Variants in CACNG3 observed in about 807,000 individuals in gnomAD.
The protein encoded by CACNG3 is calcium voltage-gated channel auxiliary subunit gamma 3.
In CACNG3, 3 loss-of-function variants were observed where a neutral mutation model predicts 28.5. The ratio of observed to expected loss-of-function variants is 0.11; its 90% confidence interval spans 0.05 to 0.27. The LOEUF is 0.27. Ranked by LOEUF, CACNG3 falls within the 10% of genes least tolerant of loss-of-function variation. The probability of loss-of-function intolerance (pLI) is 1.00; values close to 1 mark genes in which losing one functional copy is unlikely to be tolerated. For synonymous variants in CACNG3, 174 were observed against 162.2 expected (o/e 1.07, Z -0.55); for missense variants, 236 against 414.4 (o/e 0.57, Z 3.74).
intron 1 of CACNG3, among the ~76,000 whole-genome samples, chr16:24,308,104 G>A (rs79482075): frequency 0.01 from 1,554 of 152,220 alleles, 28 homozygotes; most frequent in African/African-American, 0.034. Context: ...ACACTTAATT[G>A]CATCCAAAAC....
rs1195651017 is a variant in CACNG3 at position 24,300,823 on chromosome 16, G to A, written c.211+43858G>A. 2.0e-5 allele frequency among the ~76,000 whole-genome samples: 3 copies of A among 152,040 alleles called. No homozygotes were observed. In the East Asian group the frequency reaches 5.8e-4, roughly 29 times the overall value. The stretch of plus-strand genomic sequence containing the variant: ...AATCCCAGCACTTTTGGAAGCTAAG[G>A]GGGGCAGATCACAAGGTCAGGAGTT... On this transcript the variant is annotated intron_variant, in intron 1 of 3. Transcript: ENST00000005284.
At chr16:24,267,052 T>C (rs1898620302) in intron 1 of CACNG3, among the ~76,000 whole-genome samples, 1 of 150,948 alleles carries the variant, frequency 6.6e-6, no homozygotes, top group South Asian at 2.1e-4. Flanking sequence ...GTACAACCTC[T>C]GCCTCCTGGG....
intron 1 of CACNG3, among the ~76,000 whole-genome samples, chr16:24,323,219 C>CAAAA (rs761999416): frequency 0.018 from 1,195 of 66,416 alleles, 64 homozygotes; most frequent in African/African-American, 0.033. Context: ...GAGCAGGACT[C>CAAAA]AAAAAAAAAA....
intron 1 of CACNG3, among the ~76,000 whole-genome samples, chr16:24,313,755 T>A (rs549521608): frequency 1.4e-4 from 22 of 152,248 alleles, no homozygotes; most frequent in African/African-American, 5.1e-4. Flanking sequence ...TTTATTTATT[T>A]ATTTTTTGAG....
intron 1 of CACNG3, among the ~76,000 whole-genome samples, chr16:24,330,627 G>GT (rs759734999): frequency 4.6e-5 from 7 of 152,314 alleles, no homozygotes; most frequent in Non-Finnish European, 8.8e-5. Flanking sequence ...TTGTTGGTTT[G>GT]TTTTAAGAAG....
Position 24,361,235 on chromosome 16 carries a change from A to G in CACNG3, c.437-117A>G, listed in dbSNP as rs1900098379. 2.4e-6 allele frequency: 2 copies of G among 820,580 alleles called. No individual in the cohort carries two copies. The highest frequency in any genetic ancestry group is 3.9e-6 in the Non-Finnish European group (2 of 511,292). The allele number at this position is 820,580 out of a possible 1,614,324, so 50.8% of individuals were successfully genotyped here. ...CTAGGTGGTTGGATTTCCCAGCTAT[A>G]ATCCATTCTCCTCTCTCCCCATTAC... On this transcript the variant is annotated intron_variant, in intron 3 of 3. Coordinates refer to ENST00000005284, the MANE Select transcript of CACNG3 (RefSeq NM_006539.4). The surrounding 1 kb of genome is among the most constrained non-coding windows in gnomAD (Gnocchi z 6.8).
intron 1 of CACNG3, among the ~76,000 whole-genome samples, chr16:24,323,574 C>T (rs1407112928): frequency 6.6e-6 from 1 of 152,154 alleles, no homozygotes. Context: ...AATCCCAGGT[C>T]GGTTTGACTT....
At chr16:24,354,364 C>A (rs1400084041) in intron 2 of CACNG3, among the ~76,000 whole-genome samples, 1 of 152,146 alleles carries the variant, frequency 6.6e-6, no homozygotes, top group East Asian at 1.9e-4. Flanking sequence ...TTGCACCCAA[C>A]TCTGACTCTC....
At chr16:24,274,766 C>T (rs557247044) in intron 1 of CACNG3, among the ~76,000 whole-genome samples, 48 of 152,258 alleles carry the variant, frequency 3.2e-4, no homozygotes, top group Non-Finnish European at 5.4e-4. Flanking sequence ...CAACAGCAAG[C>T]GCCTACTGAG....
chr16:24,360,589 A>T (rs752772103), intron 3 of CACNG3, among the ~76,000 whole-genome samples: 1 of 152,158 alleles, frequency 6.6e-6, no homozygotes, highest in South Asian at 2.1e-4. Flanking sequence ...GTAGCTCCAG[A>T]CCCATACATT....
At chr16:24,280,886 C>G (rs899566863) in intron 1 of CACNG3, among the ~76,000 whole-genome samples, 1 of 141,518 alleles carries the variant, frequency 7.1e-6, no homozygotes, top group Non-Finnish European at 1.5e-5. Flanking sequence ...AACATTTTGT[C>G]TGAGGTCACA....
chr16:24,339,370 C>T (rs1899752745), intron 1 of CACNG3, among the ~76,000 whole-genome samples: 1 of 151,722 alleles, frequency 6.6e-6, no homozygotes, highest in Non-Finnish European at 1.5e-5. Context: ...CAGCTAATTG[C>T]CTTCAGCTGC....
At chr16:24,311,870 A>C (rs1197407881) in intron 1 of CACNG3, among the ~76,000 whole-genome samples, 1 of 152,210 alleles carries the variant, frequency 6.6e-6, no homozygotes, top group Non-Finnish European at 1.5e-5. Context: ...TAAACAAATA[A>C]AATTAAATGG....
At chr16:24,263,318 C>T (rs1445695178) in intron 1 of CACNG3, among the ~76,000 whole-genome samples, 1 of 152,046 alleles carries the variant, frequency 6.6e-6, no homozygotes, top group African/African-American at 2.4e-5. Context: ...TTTTGTCATT[C>T]TGCTGGTTCC....
chr16:24,337,226 G>A (rs114016167), intron 1 of CACNG3, among the ~76,000 whole-genome samples: 1 of 152,276 alleles, frequency 6.6e-6, no homozygotes, highest in African/African-American at 2.4e-5. Context: ...CTGAAAGCTT[G>A]CGTTCCTACC....
chr16:24,304,710 G>C (rs548315720), intron 1 of CACNG3, among the ~76,000 whole-genome samples: 1 of 152,060 alleles, frequency 6.6e-6, no homozygotes, highest in Non-Finnish European at 1.5e-5. Context: ...ACAGGTACAC[G>C]CCACCATGCC....
chr16:24,274,600 G>A (rs1898730567), intron 1 of CACNG3, among the ~76,000 whole-genome samples: 1 of 152,154 alleles, frequency 6.6e-6, no homozygotes, highest in African/African-American at 2.4e-5. Context: ...GCAGTTGATG[G>A]AGCCCCTACC....
At chr16:24,271,280 T>G (rs565398974) in intron 1 of CACNG3, among the ~76,000 whole-genome samples, 1 of 152,344 alleles carries the variant, frequency 6.6e-6, no homozygotes, top group Non-Finnish European at 1.5e-5. Context: ...TATGACTCGG[T>G]GCAGTGAAGT....
Position 24,274,185 on chromosome 16 carries a change from TCAAAAAAAAAAAAAA to T in CACNG3, c.211+17234_211+17248del, listed in dbSNP as rs1336676916. Among the ~76,000 whole-genome samples the T allele has an allele frequency of 3.3e-5, 3 of 91,504 alleles. No individual in the cohort carries two copies. The Admixed American group carries it at 4.1e-4, about 12-fold the overall frequency. 60.0% of individuals were successfully genotyped at this position (91,504 alleles called of 152,430 possible). ...CTGGGCGACAGTGCGAGACTCCATC[TCAAAAAAAAAAAAAA>T]CAAAAAAAAAAAACTCAACCTCTAC... On this transcript the variant is annotated intron_variant, in intron 1 of 3. Coordinates refer to ENST00000005284, the MANE Select transcript of CACNG3 (RefSeq NM_006539.4).
Sources: allele counts gnomAD v4.1 joint callset (sites outside exome capture counted in the v4.1 genomes callset), GRCh38; gene constraint gnomAD v4.1.1; non-coding constraint Gnocchi (gnomAD v3.1); transcripts MANE v1.5; gene names NCBI Gene and HGNC (gene_info 2026-07-23, HGNC 2026-07-21).